RPH3AL: variants seen among roughly 807,000 people sequenced by gnomAD.
RPH3AL encodes the protein rabphilin 3A like (without C2 domains).
A neutral mutation model predicts 43.1 loss-of-function variants in RPH3AL; 38 were observed. That is an observed-to-expected ratio of 0.88 (90% CI 0.68 to 1.15). RPH3AL has a LOEUF of 1.15. RPH3AL is among the 50% of genes most tolerant of loss of function. The pLI, the probability that RPH3AL is intolerant of heterozygous loss-of-function variation, is 0.00. For synonymous variants in RPH3AL, 189 were observed against 176.3 expected, an observed-to-expected ratio of 1.07 and a Z score of -0.57; for missense variants, 462 against 423.2, an observed-to-expected ratio of 1.09 and a Z score of -0.81.
chr17:316,410 C>T (rs1433043713), intron 5 of RPH3AL, among the ~76,000 whole-genome samples: 2 of 151,374 alleles, frequency 1.3e-5, no homozygotes, highest in Admixed American at 1.3e-4. Flanking sequence ...GTCCTGTAGT[C>T]CCTGTGACCC....
chr17:219,522 CTTCCT>C, intron 8 of RPH3AL, 96 bp downstream of exon 8: 1 of 168,888 alleles, frequency 5.9e-6, no homozygotes, highest in Non-Finnish European at 1.1e-5. Flanking sequence ...TTTTCTTTTT[CTTCCT>C]TTTTTTTTTT....
intron 1 of RPH3AL, among the ~76,000 whole-genome samples, chr17:350,761 T>G (rs1394230573): frequency 1.3e-5 from 2 of 152,162 alleles, no homozygotes; most frequent in African/African-American, 4.8e-5. Context: ...TTAAAAAAAC[T>G]GTGACCCTCT....
rs1274184627 is a variant in RPH3AL, at chr17:213,763, G to C, written c.*89C>G. 38 of 1,059,224 alleles carry C rather than the reference G, an allele frequency of 3.6e-5. 1 individual carries two copies. The highest frequency in any genetic ancestry group is 4.9e-5 in the Non-Finnish European group (34 of 696,666). 65.6% of individuals were successfully genotyped at this position (1,059,224 alleles called of 1,614,324 possible). ...TTGAGTCATGGCCAACAGGGTGTCT[G>C]GTGAGGGCACAAGGACCGGTCAGGG... On this transcript the variant is annotated 3_prime_UTR_variant, in exon 10 of 10. Transcript: ENST00000331302.
rs1555538711 is a variant in RPH3AL at position 244,233 on chromosome 17, C to CCTCTATTGATTACCCTTT, written c.613+2877_613+2878insAAAGGGTAATCAATAGAG. Among the ~76,000 whole-genome samples, 7 of 149,874 alleles carry CCTCTATTGATTACCCTTT rather than the reference C, an allele frequency of 4.7e-5. No homozygotes were observed. The East Asian group carries it at 7.8e-4, about 17-fold the overall frequency. On this transcript the variant is annotated intron_variant, in intron 7 of 9. Transcript: ENST00000331302. Reference sequence around the variant, plus strand: ...TCACCTTCCTCTATTGATTACCCTTCCTCTATTGATTACCTTCCTCTATTG... The same window carrying CCTCTATTGATTACCCTTT: ...TCACCTTCCTCTATTGATTACCCTTCCTCTATTGATTACCCTTTCTCTATTGATTACCTTCCTCTATTG...
At chr17:281,965 T>A (rs12451279) in intron 5 of RPH3AL, 111 bp from the exon 6 acceptor site, 35 of 793,546 alleles carry the variant, frequency 4.4e-5, no homozygotes, top group African/African-American at 4.1e-4. Context: ...GGAGCGTCTC[T>A]TGCTTCAGGA....
At chr17:222,632 G>A (rs558345897) in intron 7 of RPH3AL, among the ~76,000 whole-genome samples, 1 of 152,288 alleles carries the variant, frequency 6.6e-6, no homozygotes, top group South Asian at 2.1e-4. Context: ...ACACAGAAAT[G>A]TACATCCATT....
intron 6 of RPH3AL, among the ~76,000 whole-genome samples, chr17:249,735 A>G (rs923243535): frequency 6.6e-6 from 1 of 152,180 alleles, no homozygotes; most frequent in African/African-American, 2.4e-5. Flanking sequence ...GGTTAAACCA[A>G]GCTCCATCGC....
intron 1 of RPH3AL, among the ~76,000 whole-genome samples, chr17:346,906 C>T (rs1378771540): frequency 7.4e-6 from 1 of 135,372 alleles, no homozygotes; most frequent in Non-Finnish European, 1.7e-5. Context: ...AGATCCAAAA[C>T]ACTGACAACA....
At chr17:234,628 G>C (rs372445373) in intron 7 of RPH3AL, 1 of 154,742 alleles carries the variant, frequency 6.5e-6, no homozygotes, top group African/African-American at 2.4e-5. Flanking sequence ...TGACAGGGAG[G>C]CTTCCTACTC....
chr17:351,062 C>T (rs1334925888), intron 1 of RPH3AL, among the ~76,000 whole-genome samples: 1 of 152,154 alleles, frequency 6.6e-6, no homozygotes, highest in Non-Finnish European at 1.5e-5. Flanking sequence ...AACTTCTGAA[C>T]TGTACCCCTG....
rs930638353 is a variant in RPH3AL at position 344,165 on chromosome 17, T to C, written c.-213+8547A>G. On this transcript the variant is annotated intron_variant, in intron 1 of 9. Transcript: ENST00000331302. ...ATCATCACCATCATCATTTTTACCA[T>C]CATGATCACCAACACCACTATAATC... is the stretch of plus-strand genomic sequence containing the variant. Among the ~76,000 whole-genome samples, 4 of 132,042 alleles carry C rather than the reference T, an allele frequency of 3.0e-5. 1 individual carries two copies. The highest frequency in any genetic ancestry group is 1.0e-4 in the African/African-American group (4 of 38,296). 86.6% of individuals were successfully genotyped at this position (132,042 alleles called of 152,430 possible).
intron 3 of RPH3AL, among the ~76,000 whole-genome samples, chr17:324,690 T>TAGCTAGCTAGCTAGCTAGCTAG (rs1567524338): frequency 6.7e-6 from 1 of 149,692 alleles, no homozygotes; most frequent in African/African-American, 2.5e-5. Flanking sequence ...TTTCTATCTA[T>TAGCTAGCTAGCTAGCTAGCTAG]CTAGCTAGCT....
intron 5 of RPH3AL, among the ~76,000 whole-genome samples, chr17:288,985 T>G (rs938315433): frequency 1.3e-5 from 2 of 152,038 alleles, no homozygotes; most frequent in African/African-American, 4.8e-5. Context: ...TCCATGTGCT[T>G]CTTTTGCAAA....
At chr17:253,224 G>A (rs1432607513) in intron 6 of RPH3AL, among the ~76,000 whole-genome samples, 3 of 152,158 alleles carry the variant, frequency 2.0e-5, no homozygotes, top group African/African-American at 7.2e-5. Context: ...GGCCTTGGGG[G>A]CTGAGAGTGC....
intron 6 of RPH3AL, among the ~76,000 whole-genome samples, chr17:273,038 GGCGAC>G (rs2042538781): frequency 2.4e-4 from 25 of 106,220 alleles, no homozygotes; most frequent in African/African-American, 4.8e-4. Flanking sequence ...CCCCAGCGAG[GGCGAC>G]GTCAGGGAGA....
At chr17:306,829 C>G (rs2043500047) in intron 5 of RPH3AL, 1 of 154,588 alleles carries the variant, frequency 6.5e-6, no homozygotes, top group South Asian at 1.9e-4. Flanking sequence ...TTTTCCTCCC[C>G]CCTCTGACCT....
intron 7 of RPH3AL, among the ~76,000 whole-genome samples, chr17:229,412 AAGAC>A (rs2041176120): frequency 6.6e-6 from 1 of 152,244 alleles, no homozygotes; most frequent in Admixed American, 6.5e-5. Flanking sequence ...GCACTGTACA[AAGAC>A]AGCAGGGCCA....
chr17:286,886 A>G (rs1423067043), intron 5 of RPH3AL, among the ~76,000 whole-genome samples: 1 of 148,800 alleles, frequency 6.7e-6, no homozygotes, highest in Non-Finnish European at 1.5e-5. Context: ...GAAGCCACAC[A>G]ACTCCAGGCT....
intron 5 of RPH3AL, among the ~76,000 whole-genome samples, chr17:316,886 AC>A (rs2044247236): frequency 6.8e-6 from 1 of 146,426 alleles, no homozygotes; most frequent in Non-Finnish European, 1.5e-5. Context: ...ACCTCCATTG[AC>A]CTGTAGTCCC....
Sources: gnomAD v4.1 joint callset for allele counts (sites outside exome capture counted in the v4.1 genomes callset) on GRCh38, gnomAD v4.1.1 for gene constraint, MANE v1.5 for transcripts, NCBI Gene and HGNC (gene_info 2026-07-23, HGNC 2026-07-21) for gene names.